CACNB3: variants seen among roughly 807,000 people sequenced by gnomAD.
CACNB3 encodes the protein calcium voltage-gated channel auxiliary subunit beta 3.
CACNB3 carries 36 observed loss-of-function variants against 63.7 expected under a neutral mutation model. The ratio of observed to expected loss-of-function variants is 0.57; its 90% confidence interval spans 0.43 to 0.75. CACNB3 has a LOEUF of 0.75. CACNB3 is among the 30% of genes least tolerant of loss of function. The probability of loss-of-function intolerance (pLI) is 0.00; values close to 1 mark genes in which losing one functional copy is unlikely to be tolerated. For synonymous variants in CACNB3, 241 were observed against 250.6 expected, an observed-to-expected ratio of 0.96 and a Z score of 0.36; for missense variants, 493 against 648.6, an observed-to-expected ratio of 0.76 and a Z score of 2.61.
rs1384924750 is a variant in CACNB3, at chr12:48,826,316, T to G, written c.743-51T>G. 2 of 1,600,094 alleles carry G rather than the reference T, an allele frequency of 1.2e-6. No homozygotes were observed. On this transcript the variant is annotated intron_variant, in intron 9 of 12. Coordinates refer to ENST00000301050, the MANE Select transcript of CACNB3 (RefSeq NM_000725.4). The surrounding 1 kb of genome is among the most constrained non-coding windows in gnomAD (Gnocchi z 4.8). ...CGGGAGCCCTCAAAGCCTGCTGGAGTGAGCAGTGGGCAGAGCTCCTGGTGA... is the reference window on the plus strand; with the variant it reads ...CGGGAGCCCTCAAAGCCTGCTGGAGGGAGCAGTGGGCAGAGCTCCTGGTGA...
rs199837707 is a variant in CACNB3 at position 48,824,234 on chromosome 12, C to T, written c.292-24C>T. The T allele has an allele frequency of 4.9e-4, 774 of 1,588,018 alleles. 1 individual carries two copies. The highest frequency in any genetic ancestry group is 4.9e-4 in the Non-Finnish European group (565 of 1,163,736). On this transcript the variant is annotated intron_variant, in intron 3 of 12. Transcript: ENST00000301050. ...GGGGCGGGGCGCTTCTCTCACCACC[C>T]CTTCCTGCTCCACCTGCCCCCAGAA...
chr12:48,827,927 G>A lies in CACNB3; in HGVS notation c.*28G>A. 2 of 1,591,026 alleles carry A rather than the reference G, an allele frequency of 1.3e-6. No individual in the cohort carries two copies. Among genetic ancestry groups the A allele is most frequent in the Non-Finnish European group, 1.7e-6 (2 of 1,163,418 alleles). On this transcript the variant is annotated 3_prime_UTR_variant, in exon 13 of 13. Coordinates refer to ENST00000301050, the MANE Select transcript of CACNB3 (RefSeq NM_000725.4). ...GCCTCCTGCTGCCCTACCCTGGCAG[G>A]CACAGGCGCAGCTGGCTGGGGGGCC... is the stretch of plus-strand genomic sequence containing the variant.
Position 48,825,702 on chromosome 12 carries a change from G to A in CACNB3, c.675G>A (p.Lys225=). 1 of 1,614,202 alleles carries A rather than the reference G, an allele frequency of 6.2e-7. No homozygotes were observed. The change falls in exon 9 of 13, where the codon AAG becomes AAA. Residue 225 remains lysine, a synonymous_variant. Transcript: ENST00000301050. This position sits in a 1 kb window ranked among gnomAD's most constrained non-coding sequence, Gnocchi z 4.5. ...TCACAGCCGACCTCTCCCTGGCAAA[G>A]CGATCTGTGCTCAACAATCCGGGCA... ...TRVTADLSLA[K]RSVLNNPGKR...
chr12:48,815,171 G>C (rs1009640448), upstream of CACNB3: 1 of 156,252 alleles, frequency 6.4e-6, no homozygotes, highest in Non-Finnish European at 1.4e-5. Context: ...ATGGGCGGCC[G>C]GCGCACGGAG....
rs150414637 is a variant in CACNB3, at chr12:48,827,779, G to A, written c.1335G>A (p.Ser445=). 3.8e-5 allele frequency: 61 copies of A among 1,614,188 alleles called. 1 individual carries two copies. The highest frequency in any genetic ancestry group is 3.7e-4 in the African/African-American group (28 of 75,064). ...DLYQPHRQHT[S]GLPSANGHDP... Reference sequence around the variant, plus strand: ...ACCAGCCTCACCGCCAACACACCTCGGGGCTGCCTAGTGCTAACGGGCATG... The same window carrying A: ...ACCAGCCTCACCGCCAACACACCTCAGGGCTGCCTAGTGCTAACGGGCATG... Residue 445 remains serine (S), a synonymous_variant, in exon 13 of 13, where the codon TCG becomes TCA. Transcript: ENST00000301050.
chr12:48,823,162 T>C lies in CACNB3; in HGVS notation c.46-182T>C, dbSNP rs1415755305. ...TTGCACCTATGGATTGGGCCAGCTT[T>C]CCTGTAGCCTCAGAGGCACTGGGGC... On this transcript the variant is annotated intron_variant, in intron 1 of 12. Transcript: ENST00000301050. This position sits in a 1 kb window ranked among gnomAD's most constrained non-coding sequence, Gnocchi z 4.2. Among the ~76,000 whole-genome samples the C allele has an allele frequency of 6.6e-6, 1 of 152,106 alleles. No homozygotes were observed. The highest frequency in any genetic ancestry group is 1.5e-5 in the Non-Finnish European group (1 of 67,992).
In CACNB3 at chr12:48,828,683, CTT is replaced by C; in HGVS notation, c.*786_*787del. ...AGAGAACTTAGGGGGGCCTCCTTGC[CTT>C]TCTCATTCTTTTGCCCTGCATCCTG... On this transcript the variant is annotated 3_prime_UTR_variant, in exon 13 of 13. Coordinates refer to ENST00000301050, the MANE Select transcript of CACNB3 (RefSeq NM_000725.4). The C allele has an allele frequency of 2.2e-6, 1 of 456,514 alleles. No individual in the cohort carries two copies. Among genetic ancestry groups the C allele is most frequent in the Non-Finnish European group, 4.4e-6 (1 of 226,788 alleles). 28.3% of individuals were successfully genotyped at this position (456,514 alleles called of 1,614,324 possible).
chr12:48,825,190 G>GCCCA lies in CACNB3; in HGVS notation c.520_521insCCCA (p.Val174AlafsTer19). 1 of 1,614,114 alleles carries GCCCA rather than the reference G, an allele frequency of 6.2e-7. No individual in the cohort carries two copies. Among genetic ancestry groups the GCCCA allele is most frequent in the Non-Finnish European group, 8.5e-7 (1 of 1,180,022 alleles). On this transcript the variant is annotated frameshift_variant, in exon 7 of 13. Transcript: ENST00000301050. LOFTEE classifies it high-confidence loss of function. This position sits in a 1 kb window ranked among gnomAD's most constrained non-coding sequence, Gnocchi z 4.5. The stretch of plus-strand genomic sequence containing the variant: ...GGAACATGTTCCCCCATATGACGTG[G>GCCCA]TGCCCTCCATGCGGCCTGTGGTGCT...
At position 48,826,893 on chromosome 12, in the gene CACNB3, C is replaced by A. The variant is rs769864901; in HGVS notation, c.990+39C>A. ...TCAGCTGCTCCTGTGCCCACTCCCCCAGGGCTGCGGCAGTGATAGAGATGG... is the reference window on the plus strand; with the variant it reads ...TCAGCTGCTCCTGTGCCCACTCCCCAAGGGCTGCGGCAGTGATAGAGATGG... On this transcript the variant is annotated intron_variant, in intron 11 of 12. Transcript: ENST00000301050. The surrounding 1 kb of genome is among the most constrained non-coding windows in gnomAD (Gnocchi z 4.8). 5.6e-6 allele frequency: 9 copies of A among 1,612,146 alleles called. No individual in the cohort carries two copies. Among genetic ancestry groups the A allele is most frequent in the South Asian group, 1.1e-5 (1 of 91,008 alleles).
Position 48,823,466 on chromosome 12 carries a change from G to A in CACNB3, c.168G>A (p.Lys56=). ...CTCAGCAGCAGCTCGAAAGGGCCAA[G>A]GTATACTTTCTGGGCATGGGGCAAG... is the stretch of plus-strand genomic sequence containing the variant. ...SQAQQQLERA[K]HKPVAFAVRT... Residue 56 remains lysine, a splice_region_variant and synonymous_variant, in exon 2 of 13, where the codon AAG becomes AAA. Transcript: ENST00000301050. The surrounding 1 kb of genome is among the most constrained non-coding windows in gnomAD (Gnocchi z 4.2). 1 of 1,613,788 alleles carries A rather than the reference G, an allele frequency of 6.2e-7. No individual in the cohort carries two copies. Among genetic ancestry groups the A allele is most frequent in the East Asian group, 2.2e-5 (1 of 44,876 alleles).
At chr12:48,816,583 G>A (rs1158758813), upstream of CACNB3, among the ~76,000 whole-genome samples, 1 of 152,124 alleles carries the variant, frequency 6.6e-6, no homozygotes, top group African/African-American at 2.4e-5. Context: ...AAGGAGGGAA[G>A]CTCTGAAGCT....
At chr12:48,824,445 G>C in intron 4 of CACNB3, 72 bp downstream of exon 4, 1 of 1,343,286 alleles carries the variant, frequency 7.4e-7, no homozygotes, top group Non-Finnish European at 1.0e-6. Context: ...ACGTCACCAT[G>C]CATGCCATAC....
At position 48,827,793 on chromosome 12, in the gene CACNB3, C is replaced by T; in HGVS notation, c.1349C>T (p.Ala450Val). The change falls in exon 13 of 13, where the codon GCT (alanine) becomes GTT (valine). Residue 450 changes from alanine (A) to valine (V), a missense_variant. Coordinates refer to ENST00000301050, the MANE Select transcript of CACNB3 (RefSeq NM_000725.4). ...CAACACACCTCGGGGCTGCCTAGTGCTAACGGGCATGACCCCCAAGACCGG... is the reference window on the plus strand; with the variant it reads ...CAACACACCTCGGGGCTGCCTAGTGTTAACGGGCATGACCCCCAAGACCGG... ...HRQHTSGLPS[A>V]NGHDPQDRLL... is the part of the protein sequence containing the mutation. The T allele has an allele frequency of 6.2e-7, 1 of 1,614,148 alleles. No individual in the cohort carries two copies. The highest frequency in any genetic ancestry group is 8.5e-7 in the Non-Finnish European group (1 of 1,179,978).
chr12:48,821,326 C>G (rs1228558857), intron 1 of CACNB3: 1 of 151,980 alleles, frequency 6.6e-6, no homozygotes, highest in East Asian at 1.9e-4. Context: ...GATCCTGTCT[C>G]TACAAAAAAC....
rs1182651443 is a variant in CACNB3, at chr12:48,828,374, C to A, written c.*475C>A. The A allele has an allele frequency of 3.1e-6, 1 of 318,358 alleles. No individual in the cohort carries two copies. The highest frequency in any genetic ancestry group is 2.2e-5 in the African/African-American group (1 of 46,392). The allele number at this position is 318,358 out of a possible 1,614,324, so 19.7% of individuals were successfully genotyped here. A position where few individuals can be genotyped will look rare whatever the true frequency, so the allele number is the denominator to read the frequency against. Reference sequence around the variant, plus strand: ...CTTTGGCATCCAGGGCCTCCAGTCACCTCACTGCCATACATTAGAAATGAG... The same window carrying A: ...CTTTGGCATCCAGGGCCTCCAGTCAACTCACTGCCATACATTAGAAATGAG... On this transcript the variant is annotated 3_prime_UTR_variant, in exon 13 of 13. Transcript: ENST00000301050.
Position 48,828,471 on chromosome 12 carries a change from G to A in CACNB3, c.*572G>A, listed in dbSNP as rs1468745755. The A allele has an allele frequency of 8.5e-6, 3 of 351,072 alleles. No homozygotes were observed. The Admixed American group carries it at 1.1e-4, about 13-fold the overall frequency. 21.7% of individuals were successfully genotyped at this position (351,072 alleles called of 1,614,324 possible). A position where few individuals can be genotyped will look rare whatever the true frequency, so the allele number is the denominator to read the frequency against. On this transcript the variant is annotated 3_prime_UTR_variant, in exon 13 of 13. Transcript: ENST00000301050. ...TGTGGCAGCCACATCCAAGACTGGAGCAGCAGGCTGGCCACGCTCGGGCCA... is the reference window on the plus strand; with the variant it reads ...TGTGGCAGCCACATCCAAGACTGGAACAGCAGGCTGGCCACGCTCGGGCCA...
At position 48,823,790 on chromosome 12, in the gene CACNB3, T is replaced by C; in HGVS notation, c.278T>C (p.Leu93Pro). Residue 93 changes from leucine to proline, a missense_variant, in exon 3 of 13, where the codon CTG (leucine) becomes CCG (proline). Transcript: ENST00000301050. This position sits in a 1 kb window ranked among gnomAD's most constrained non-coding sequence, Gnocchi z 4.2. ...SGVNFEAKDF[L>P]HIKEKYSNDW... ...GTCAACTTTGAGGCCAAAGATTTTC[T>C]GCACATTAAAGAGGTGATCGACCCC... 6.2e-7 allele frequency: 1 copy of C among 1,614,138 alleles called. No individual in the cohort carries two copies. The highest frequency in any genetic ancestry group is 8.5e-7 in the Non-Finnish European group (1 of 1,180,018).
upstream of CACNB3, chr12:48,818,020 A>G (rs1464259300): frequency 1.3e-5 from 2 of 152,370 alleles, no homozygotes; most frequent in Non-Finnish European, 2.9e-5. The surrounding 1 kb of genome is among the most constrained non-coding windows in gnomAD (Gnocchi z 4.3). Flanking sequence ...GGGTTGGGCA[A>G]CACCGCCTTT....
Position 48,818,585 on chromosome 12 carries a change from C to T in CACNB3, c.-345C>T, listed in dbSNP as rs1045652124. Reference sequence around the variant, plus strand: ...TTCGTTCCCCTCTCCCGGCCTGGCCCGGGCTCCCCGGTGGCCGCCGCCCCC... The same window carrying T: ...TTCGTTCCCCTCTCCCGGCCTGGCCTGGGCTCCCCGGTGGCCGCCGCCCCC... On this transcript the variant is annotated 5_prime_UTR_variant, in exon 1 of 13. Coordinates refer to ENST00000301050, the MANE Select transcript of CACNB3 (RefSeq NM_000725.4). The surrounding 1 kb of genome is among the most constrained non-coding windows in gnomAD (Gnocchi z 4.3). 4 of 1,084,878 alleles carry T rather than the reference C, an allele frequency of 3.7e-6. No homozygotes were observed. Among genetic ancestry groups the T allele is most frequent in the East Asian group, 7.1e-5 (1 of 14,154 alleles). The allele number at this position is 1,084,878 out of a possible 1,614,324, so 67.2% of individuals were successfully genotyped here.
Sources: gnomAD v4.1 joint callset for allele counts (sites outside exome capture counted in the v4.1 genomes callset) on GRCh38, gnomAD v4.1.1 for gene constraint, Gnocchi (gnomAD v3.1) non-coding constraint, MANE v1.5 for transcripts, NCBI Gene and HGNC (gene_info 2026-07-23, HGNC 2026-07-21) for gene names.